MYLK: variants seen among roughly 807,000 people sequenced by gnomAD.
The protein encoded by MYLK is myosin light chain kinase, also known as myosin light chain kinase, smooth muscle.
A neutral mutation model predicts 203.4 loss-of-function variants in MYLK; 106 were observed. The ratio of observed to expected loss-of-function variants is 0.52; its 90% CI spans 0.45 to 0.61. The LOEUF (loss-of-function observed/expected upper bound fraction) is 0.61, where lower values mean the gene tolerates loss of function less well. Among genes scored for constraint, MYLK ranks in the 20% least tolerant of loss-of-function variants. MYLK has a pLI of 0.00. For missense variants in MYLK, 2,072 were observed against 2,442.3 expected, an observed-to-expected ratio of 0.85 and a Z score of 3.20; for synonymous variants, 867 against 959.5, an observed-to-expected ratio of 0.90 and a Z score of 1.78.
intron 29 of MYLK, among the ~76,000 whole-genome samples, chr3:123,632,252 C>T (rs537095833): frequency 6.6e-5 from 10 of 152,204 alleles, no homozygotes; most frequent in East Asian, 1.9e-4. Flanking sequence ...TCTGTGACCC[C>T]GACCCCCACG....
intron 3 of MYLK, chr3:123,814,116 G>C (rs564752046): frequency 1.5e-4 from 53 of 350,010 alleles, no homozygotes; most frequent in African/African-American, 1.1e-3. Flanking sequence ...TGCCTGTGTA[G>C]GCACTGACCC....
chr3:123,707,924 G>A lies in MYLK; in HGVS notation c.2220C>T (p.Ile740=). The stretch of plus-strand genomic sequence containing the variant: ...AGGGGTCACCAGCTATGGCGCAGGA[G>A]ATGAGGACACTCTGGCCCAGGGAGG... ...VTASLGQSVL[I]SCAIAGDPFP... The change falls in exon 16 of 34, where the codon ATC becomes ATT. Residue 740 remains isoleucine, a synonymous_variant. Transcript: ENST00000360304. 1 of 1,614,226 alleles carries A rather than the reference G, an allele frequency of 6.2e-7. No individual in the cohort carries two copies. Among genetic ancestry groups the A allele is most frequent in the Non-Finnish European group, 8.5e-7 (1 of 1,180,050 alleles).
chr3:123,712,639 T>A (rs1054468718), intron 13 of MYLK, among the ~76,000 whole-genome samples: 1 of 152,150 alleles, frequency 6.6e-6, no homozygotes, highest in Non-Finnish European at 1.5e-5. Flanking sequence ...GAAGTATGCA[T>A]GAAAGGGTGG....
chr3:123,702,223 A>G (rs2108596635), intron 16 of MYLK, among the ~76,000 whole-genome samples: 1 of 152,214 alleles, frequency 6.6e-6, no homozygotes, highest in East Asian at 1.9e-4. Context: ...GTGGATTTGC[A>G]GCAGATTGTC....
Position 123,713,015 on chromosome 3 carries a change from T to C in MYLK, c.1805-3122A>G, listed in dbSNP as rs74735492. Reference sequence around the variant, plus strand: ...GACCTGAGGCAAATACTATTAGGAATACAAATGCGTTGCTTAAAAATATCA... The same window carrying C: ...GACCTGAGGCAAATACTATTAGGAACACAAATGCGTTGCTTAAAAATATCA... On this transcript the variant is annotated intron_variant, in intron 13 of 33. Transcript: ENST00000360304. Among the ~76,000 whole-genome samples the C allele has an allele frequency of 6.8e-3, 1,041 of 152,284 alleles. 13 individuals carry two copies. The highest frequency in any genetic ancestry group is 8.0e-3 in the Non-Finnish European group (547 of 68,030).
chr3:123,840,983 T>C (rs979636148), intron 2 of MYLK, among the ~76,000 whole-genome samples: 7 of 152,088 alleles, frequency 4.6e-5, no homozygotes, highest in African/African-American at 1.4e-4. Flanking sequence ...TGTTAGAAGA[T>C]GGAGTACGAA....
intron 9 of MYLK, chr3:123,735,178 T>G (rs1318156278): frequency 1.6e-6 from 1 of 630,044 alleles, no homozygotes; most frequent in Non-Finnish European, 2.9e-6. Flanking sequence ...GTGGCAACAC[T>G]GAGTTTTCCA....
rs578031418 is a variant in MYLK, at chr3:123,648,339, G to A, written c.4415+632C>T. ...CATGAGGGAGCTTGATGACTGCTGC[G>A]CGTTTAATGGAGCACTAACGCAGGC... On this transcript the variant is annotated intron_variant, in intron 26 of 33. Coordinates refer to ENST00000360304, the MANE Select transcript of MYLK (RefSeq NM_053025.4). The surrounding 1 kb of genome is among the most constrained non-coding windows in gnomAD (Gnocchi z 4.5). Among the ~76,000 whole-genome samples, 36 of 152,302 alleles carry A rather than the reference G, an allele frequency of 2.4e-4. No homozygotes were observed. Among genetic ancestry groups the A allele is most frequent in the Non-Finnish European group, 3.7e-4 (25 of 68,022 alleles).
intron 3 of MYLK, among the ~76,000 whole-genome samples, chr3:123,821,323 G>C (rs2065931179): frequency 2.0e-5 from 3 of 152,142 alleles, no homozygotes; most frequent in Admixed American, 2.0e-4. Flanking sequence ...CTGGTCATAA[G>C]TTACTTGCAG....
intron 2 of MYLK, among the ~76,000 whole-genome samples, chr3:123,841,605 G>A (rs531970570): frequency 1.3e-5 from 2 of 151,866 alleles, no homozygotes; most frequent in Non-Finnish European, 2.9e-5. Flanking sequence ...TACCAACAAT[G>A]AGACCTACTC....
chr3:123,730,713 T>C (rs1460227164), intron 11 of MYLK, among the ~76,000 whole-genome samples: 1 of 152,020 alleles, frequency 6.6e-6, no homozygotes, highest in Non-Finnish European at 1.5e-5. Context: ...GGAAAACCCA[T>C]AGAGACAAAA....
chr3:123,842,303 C>T (rs1408566467), intron 2 of MYLK, among the ~76,000 whole-genome samples: 3 of 151,938 alleles, frequency 2.0e-5, no homozygotes, highest in East Asian at 3.8e-4. Flanking sequence ...ATAATAATAA[C>T]AGAAGTGAGA....
intron 4 of MYLK, among the ~76,000 whole-genome samples, chr3:123,779,087 G>A (rs936116984): frequency 2.2e-4 from 33 of 152,344 alleles, no homozygotes; most frequent in African/African-American, 7.7e-4. Flanking sequence ...CACTGTGCAT[G>A]TGGGGGACTG....
intron 12 of MYLK, among the ~76,000 whole-genome samples, 177 bp from the exon 13 acceptor site, chr3:123,722,457 G>A (rs1053680108): frequency 3.3e-5 from 5 of 152,220 alleles, no homozygotes; most frequent in African/African-American, 1.2e-4. Flanking sequence ...AGGCTTATGG[G>A]CTGGAGAAAG....
At chr3:123,800,892 G>C (rs2065173021) in intron 3 of MYLK, among the ~76,000 whole-genome samples, 1 of 152,060 alleles carries the variant, frequency 6.6e-6, no homozygotes, top group South Asian at 2.1e-4. Flanking sequence ...ATTATTGAGG[G>C]CCCCCAGAGA....
chr3:123,622,723 A>C (rs1364884853), intron 31 of MYLK: 1 of 152,222 alleles, frequency 6.6e-6, no homozygotes, highest in African/African-American at 2.4e-5. Context: ...ATATTTGGGA[A>C]TTGATTTGTG....
Position 123,614,007 on chromosome 3 carries a change from T to C in MYLK, c.*98A>G, listed in dbSNP as rs2057322547. 1 of 1,444,016 alleles carries C rather than the reference T, an allele frequency of 6.9e-7. No individual in the cohort carries two copies. The highest frequency in any genetic ancestry group is 9.6e-7 in the Non-Finnish European group (1 of 1,046,858). The allele number at this position is 1,444,016 out of a possible 1,614,324, so 89.5% of individuals were successfully genotyped here. A position where few individuals can be genotyped will look rare whatever the true frequency, so the allele number is the denominator to read the frequency against. On this transcript the variant is annotated 3_prime_UTR_variant, in exon 34 of 34. Transcript: ENST00000360304. ...TGACCTAACCGATAATCTATCACAC[T>C]AGGTGCTTTTACTATCTTGAGTTTT...
chr3:123,734,246 T>TGGGGGGGG, intron 9 of MYLK, 24 bp from the exon 10 acceptor site: 1 of 1,415,798 alleles, frequency 7.1e-7, no homozygotes, highest in Non-Finnish European at 9.3e-7. Context: ...AGGGTGGGGG[T>TGGGGGGGG]AGGGTGGGTG....
chr3:123,789,508 A>G (rs1365157213), intron 4 of MYLK, among the ~76,000 whole-genome samples: 3 of 152,058 alleles, frequency 2.0e-5, no homozygotes, highest in African/African-American at 4.8e-5. Context: ...CTGCTGCTCT[A>G]TGGAGAGAGA....
Sources: gnomAD v4.1 joint callset for allele counts (sites outside exome capture counted in the v4.1 genomes callset) on GRCh38, gnomAD v4.1.1 for gene constraint, Gnocchi (gnomAD v3.1) non-coding constraint, MANE v1.5 for transcripts, NCBI Gene and HGNC (gene_info 2026-07-23, HGNC 2026-07-21) for gene names.